The following FIG4 variants were observed in gnomAD, a reference collection of about 807,000 sequenced individuals.
FIG4 encodes polyphosphoinositide phosphatase.
In FIG4, 112 loss-of-function variants were observed where a neutral mutation model predicts 118.6. The observed-to-expected ratio is 0.94, with a 90% CI of 0.81 to 1.11. The LOEUF (loss-of-function observed/expected upper bound fraction) is 1.11. FIG4 is among the 50% of genes least tolerant of loss of function. The pLI, the probability that FIG4 is intolerant of heterozygous loss-of-function variation, is 0.00. For synonymous variants in FIG4, 369 were observed against 381.2 expected (o/e 0.97, Z 0.37); for missense variants, 969 against 1,111.7 (o/e 0.87, Z 1.83).
chr6:109,818,080 A>G (rs1159683774), intron 22 of FIG4, among the ~76,000 whole-genome samples: 1 of 152,226 alleles, frequency 6.6e-6, no homozygotes, highest in Non-Finnish European at 1.5e-5. Context: ...GCTGGCTCCA[A>G]AACCAGCCAC....
At chr6:109,770,438 A>G (rs560819001) in intron 15 of FIG4, among the ~76,000 whole-genome samples, 26 of 152,280 alleles carry the variant, frequency 1.7e-4, no homozygotes, top group African/African-American at 6.3e-4. Flanking sequence ...GTATGCATGC[A>G]TGGAGGGGAA....
chr6:109,756,698 A>T (rs1438300421), intron 10 of FIG4, among the ~76,000 whole-genome samples: 3 of 151,886 alleles, frequency 2.0e-5, no homozygotes, highest in African/African-American at 7.3e-5. Context: ...ATCTTCCATC[A>T]CTGATACCCT....
intron 3 of FIG4, among the ~76,000 whole-genome samples, chr6:109,722,616 A>G (rs995436917): frequency 1.3e-5 from 2 of 151,936 alleles, no homozygotes; most frequent in Non-Finnish European, 2.9e-5. Flanking sequence ...ATTCTTATAT[A>G]TATATATATA....
At position 109,783,095 on chromosome 6, in the gene FIG4, A is replaced by C. The variant is rs561947356; in HGVS notation, c.1890-1875A>C. ...ACATGGACACATGATGGGAGAGAAC[A>C]ACACACACCAGGGCCTGCAGTGGTG... On this transcript the variant is annotated intron_variant, in intron 16 of 22. Coordinates refer to ENST00000230124, the MANE Select transcript of FIG4 (RefSeq NM_014845.6). 1.4e-4 allele frequency among the ~76,000 whole-genome samples: 21 copies of C among 152,318 alleles called. No individual in the cohort carries two copies. The South Asian group carries it at 4.1e-3, about 30-fold the overall frequency.
chr6:109,701,499 C>A (rs1232026316), intron 1 of FIG4, among the ~76,000 whole-genome samples: 1 of 152,178 alleles, frequency 6.6e-6, no homozygotes, highest in Non-Finnish European at 1.5e-5. Context: ...GAAATGAACA[C>A]ATAATAGTTG....
At chr6:109,773,391 A>G (rs1391411168) in intron 15 of FIG4, among the ~76,000 whole-genome samples, 2 of 152,206 alleles carry the variant, frequency 1.3e-5, no homozygotes, top group African/African-American at 2.4e-5. Flanking sequence ...ACAAAATCAC[A>G]AACTTACCAT....
At chr6:109,715,702 CA>C (rs1775408924) in intron 2 of FIG4, among the ~76,000 whole-genome samples, 1 of 152,100 alleles carries the variant, frequency 6.6e-6, no homozygotes, top group Admixed American at 6.5e-5. Flanking sequence ...TCAGATGGCA[CA>C]AAAACCTGAA....
At chr6:109,703,243 C>G (rs2128378705) in intron 1 of FIG4, among the ~76,000 whole-genome samples, 1 of 152,278 alleles carries the variant, frequency 6.6e-6, no homozygotes, top group South Asian at 2.1e-4. Flanking sequence ...CACCTTCCAG[C>G]ATTGTTGCTG....
chr6:109,818,098 A>G (rs984279589), intron 22 of FIG4, among the ~76,000 whole-genome samples: 1 of 152,168 alleles, frequency 6.6e-6, no homozygotes, highest in Non-Finnish European at 1.5e-5. Context: ...CACCTCAGCT[A>G]TACAGTTGTC....
At chr6:109,772,351 C>T (rs1214942827) in intron 15 of FIG4, among the ~76,000 whole-genome samples, 1 of 152,174 alleles carries the variant, frequency 6.6e-6, no homozygotes, top group Non-Finnish European at 1.5e-5. Flanking sequence ...GACTACCATG[C>T]ATTTGACACT....
At chr6:109,706,525 T>C (rs965342937) in intron 1 of FIG4, among the ~76,000 whole-genome samples, 2 of 152,198 alleles carry the variant, frequency 1.3e-5, no homozygotes, top group African/African-American at 2.4e-5. Context: ...CATTTTCCCA[T>C]TGTGAGTCCA....
chr6:109,722,996 CA>C (rs61135786), intron 3 of FIG4, among the ~76,000 whole-genome samples: 121,171 of 152,038 alleles, frequency 0.8, 48,484 homozygotes, highest in African/African-American at 0.89. Flanking sequence ...GATATCCTGT[CA>C]ACGCTGAACT....
At chr6:109,788,680 T>C (rs556391884) in intron 18 of FIG4, among the ~76,000 whole-genome samples, 3 of 152,322 alleles carry the variant, frequency 2.0e-5, no homozygotes, top group African/African-American at 7.2e-5. Flanking sequence ...ATTGTGTATG[T>C]TCAAAAAGAA....
intron 22 of FIG4, among the ~76,000 whole-genome samples, chr6:109,803,066 T>A (rs961252900): frequency 4.6e-5 from 7 of 152,136 alleles, no homozygotes; most frequent in African/African-American, 1.7e-4. Flanking sequence ...CCATACATAA[T>A]TCTGTGTGTT....
At chr6:109,819,008 C>T (rs187412103) in intron 22 of FIG4, among the ~76,000 whole-genome samples, 25 of 152,260 alleles carry the variant, frequency 1.6e-4, no homozygotes, top group African/African-American at 5.3e-4. Flanking sequence ...CCCAGTTATC[C>T]GTGTATACTC....
intron 1 of FIG4, chr6:109,701,630 G>T (rs1394336824): frequency 4.3e-6 from 2 of 466,348 alleles, no homozygotes; most frequent in Non-Finnish European, 8.9e-6. Context: ...TAGCATATAT[G>T]TATGCATTTA....
At chr6:109,812,977 A>G (rs1778762781) in intron 22 of FIG4, among the ~76,000 whole-genome samples, 1 of 152,180 alleles carries the variant, frequency 6.6e-6, no homozygotes, top group African/African-American at 2.4e-5. Flanking sequence ...CTAGAATTTC[A>G]TTATCTTTGG....
intron 3 of FIG4, among the ~76,000 whole-genome samples, chr6:109,724,803 T>TTGTGTGTG (rs60968865): frequency 3.1e-4 from 45 of 146,746 alleles, no homozygotes; most frequent in African/African-American, 1.0e-3. Flanking sequence ...TTATAATCCT[T>TTGTGTGTG]TGTGTGTGTG....
At chr6:109,761,246 A>G (rs1196747464) in intron 11 of FIG4, among the ~76,000 whole-genome samples, 1 of 152,168 alleles carries the variant, frequency 6.6e-6, no homozygotes. Flanking sequence ...GCTTGAGTGC[A>G]GTGGTACGAT....
Sources: allele counts gnomAD v4.1 joint callset (sites outside exome capture counted in the v4.1 genomes callset), GRCh38; gene constraint gnomAD v4.1.1; transcripts MANE v1.5; gene names NCBI Gene and HGNC (gene_info 2026-07-23, HGNC 2026-07-21).